Variants in NIN observed in about 807,000 individuals in gnomAD.
The protein encoded by NIN is ninein, also known as glycogen synthase kinase 3 beta-interacting protein.
NIN carries 137 observed loss-of-function variants against 257.6 expected under a neutral mutation model. The observed-to-expected ratio is 0.53, with a 90% confidence interval of 0.46 to 0.61. NIN has a LOEUF of 0.61. Among genes scored for constraint, NIN ranks in the 20% least tolerant of loss-of-function variants. The pLI is 0.00. For synonymous variants in NIN, 918 were observed against 919.8 expected, an observed-to-expected ratio of 1.00 and a Z score of 0.04; for missense variants, 2,439 against 2,501.2, an observed-to-expected ratio of 0.98 and a Z score of 0.53.
intron 3 of NIN, among the ~76,000 whole-genome samples, chr14:50,821,467 A>C (rs1158876726): frequency 6.6e-6 from 1 of 152,222 alleles, no homozygotes; most frequent in Admixed American, 6.5e-5. Flanking sequence ...GAAATAATCC[A>C]CACAAGAAAT....
chr14:50,768,198 A>G (rs1463860641), intron 12 of NIN, among the ~76,000 whole-genome samples: 1 of 152,084 alleles, frequency 6.6e-6, no homozygotes, highest in African/African-American at 2.4e-5. Flanking sequence ...GAGCCAGTAT[A>G]TTTTTAGTAT....
At position 50,772,438 on chromosome 14, in the gene NIN, T is replaced by C; in HGVS notation, c.844A>G (p.Thr282Ala). 1.2e-6 allele frequency: 2 copies of C among 1,614,132 alleles called. No homozygotes were observed. Among genetic ancestry groups the C allele is most frequent in the Non-Finnish European group, 1.7e-6 (2 of 1,180,014 alleles). ...SFDESGRRTTTSSAMTSTIGF... is the reference protein window; with the variant it reads ...SFDESGRRTTASSAMTSTIGF... Reference sequence around the variant, plus strand: ...ATGGTACTTGTCATTGCTGATGAGGTTGTGGTACGTCGTCCACTCTCATCG... The same window carrying C: ...ATGGTACTTGTCATTGCTGATGAGGCTGTGGTACGTCGTCCACTCTCATCG... The change falls in exon 9 of 31, where the codon ACC (threonine) becomes GCC (alanine). Residue 282 changes from threonine to alanine, a missense_variant. Thr to Ala is a moderately conservative substitution (Grantham distance 58). Around this residue, in one of 3 missense-constraint regions of NIN, gnomAD observed 387 missense variants for 427.3 expected, o/e 0.91. Coordinates refer to ENST00000530997, the MANE Select transcript of NIN (RefSeq NM_020921.4).
chr14:50,771,271 G>A (rs2042721494), intron 10 of NIN, 61 bp downstream of exon 10: 14 of 1,586,758 alleles, frequency 8.8e-6, no homozygotes, highest in Admixed American at 1.7e-5. Flanking sequence ...CAAGGCATCC[G>A]AATGACTTGC....
At chr14:50,752,819 C>A (rs1372221853) in intron 20 of NIN, 86 bp from the exon 21 acceptor site, 5 of 690,492 alleles carry the variant, frequency 7.2e-6, no homozygotes, top group Non-Finnish European at 1.2e-5. Context: ...ACATAATTGT[C>A]TTTTCCCTCT....
At chr14:50,775,776 G>A (rs2042897792) in intron 7 of NIN, among the ~76,000 whole-genome samples, 1 of 151,800 alleles carries the variant, frequency 6.6e-6, no homozygotes, top group Non-Finnish European at 1.5e-5. Flanking sequence ...ATATTTTTTG[G>A]CAAAAACAAC....
intron 17 of NIN, 79 bp from the exon 18 acceptor site, chr14:50,758,709 G>C (rs2042148168): frequency 7.4e-7 from 1 of 1,345,926 alleles, no homozygotes; most frequent in South Asian, 1.5e-5. Context: ...CCCATGCACT[G>C]AGAAAGCTGC....
chr14:50,821,744 T>C (rs1595945041), intron 3 of NIN, 130 bp downstream of exon 3: 3 of 732,426 alleles, frequency 4.1e-6, no homozygotes, highest in East Asian at 4.9e-5. Flanking sequence ...ACCCATTACA[T>C]TCTTCTTTTT....
Position 50,721,523 on chromosome 14 carries a change from T to C in NIN, c.*1940A>G, listed in dbSNP as rs2040270348. 4.6e-6 allele frequency: 1 copy of C among 218,048 alleles called. No individual in the cohort carries two copies. The highest frequency in any genetic ancestry group is 5.8e-5 in the Admixed American group (1 of 17,260). The allele number at this position is 218,048 out of a possible 1,614,324, so 13.5% of individuals were successfully genotyped here. A position where few individuals can be genotyped will look rare whatever the true frequency, so the allele number is the denominator to read the frequency against. On this transcript the variant is annotated 3_prime_UTR_variant, in exon 31 of 31. Coordinates refer to ENST00000530997, the MANE Select transcript of NIN (RefSeq NM_020921.4). ...ACACTACAGGTACTTAGTTTATTTT[T>C]GTCCTTAGCCTAGGCCAATCCACAG...
rs1167864898 is a variant in NIN at position 50,760,355 on chromosome 14, C to T, written c.1901G>A (p.Arg634His). Residue 634 changes from arginine to histidine, a missense_variant, in exon 17 of 31, where the codon CGC (arginine) becomes CAC (histidine). Physicochemically the swap from Arg to His is conservative, Grantham distance 29 (BLOSUM62 0). Around this residue, in one of 3 missense-constraint regions of NIN, gnomAD observed 2,043 missense variants for 2,050.2 expected, o/e 1.00. Transcript: ENST00000530997. ...TTCGTCCAGCTGCTTTTCATAATGG[C>T]GCACCTGAAGGCACAGAGTGACACC... is the stretch of plus-strand genomic sequence containing the variant. The part of the protein sequence containing the change: ...CLRLELEDKV[R>H]HYEKQLDETV... 8.1e-6 allele frequency: 13 copies of T among 1,596,542 alleles called. No individual in the cohort carries two copies. Among genetic ancestry groups the T allele is most frequent in the East Asian group, 2.2e-5 (1 of 44,574 alleles).
Position 50,729,712 on chromosome 14 carries a change from C to T in NIN, c.5889G>A (p.Leu1963=). 1.9e-6 allele frequency: 3 copies of T among 1,602,044 alleles called. No individual in the cohort carries two copies. Among genetic ancestry groups the T allele is most frequent in the Non-Finnish European group, 2.6e-6 (3 of 1,173,722 alleles). ...LDEQLMEMQH[L]RSTATPSPSP... ...ACGGGCTAGGCGTCGCAGTGGACCT[C>T]AGGTGCTGCATCTGAAGGACAAGGG... The change falls in exon 29 of 31, where the codon CTG becomes CTA. Residue 1963 remains leucine, a synonymous_variant. Coordinates refer to ENST00000530997, the MANE Select transcript of NIN (RefSeq NM_020921.4).
chr14:50,789,187 G>C lies in NIN; in HGVS notation c.435+3525C>G, dbSNP rs534048167. ...CTGGTAGCCCCGAGATTAAGTATGAGCCCAAGGAATAAATTCCCAACATCC... is the reference window on the plus strand; with the variant it reads ...CTGGTAGCCCCGAGATTAAGTATGACCCCAAGGAATAAATTCCCAACATCC... On this transcript the variant is annotated intron_variant, in intron 5 of 30. Coordinates refer to ENST00000530997, the MANE Select transcript of NIN (RefSeq NM_020921.4). 9.9e-5 allele frequency among the ~76,000 whole-genome samples: 15 copies of C among 152,260 alleles called. No homozygotes were observed. The South Asian group carries it at 3.1e-3, about 32-fold the overall frequency.
At chr14:50,753,870 T>C (rs75062810) in intron 20 of NIN, among the ~76,000 whole-genome samples, 8,570 of 152,202 alleles carry the variant, frequency 0.056, 278 homozygotes, top group African/African-American at 0.093. Context: ...AGGCTAACCA[T>C]CTTTTGTATT....
At chr14:50,766,223 T>G in intron 14 of NIN, 84 bp downstream of exon 14, 1 of 990,602 alleles carries the variant, frequency 1.0e-6, no homozygotes, top group Non-Finnish European at 1.6e-6. Flanking sequence ...GTGACTTGCT[T>G]AGGGTCACAG....
chr14:50,729,860 A>G, intron 28 of NIN, 137 bp from the exon 29 acceptor site: 1 of 602,266 alleles, frequency 1.7e-6, no homozygotes, highest in Non-Finnish European at 2.8e-6. Flanking sequence ...GAAACAGGAC[A>G]GCATATGGGC....
rs963699014 is a variant in NIN at position 50,810,091 on chromosome 14, C to T, written c.184-3273G>A. Among the ~76,000 whole-genome samples, 6 of 152,022 alleles carry T rather than the reference C, an allele frequency of 3.9e-5. No individual in the cohort carries two copies. In the East Asian group the frequency reaches 7.7e-4, roughly 20 times the overall value. On this transcript the variant is annotated intron_variant, in intron 3 of 30. Coordinates refer to ENST00000530997, the MANE Select transcript of NIN (RefSeq NM_020921.4). ...CTAAAAACACAAAAAATTAGCTGGG[C>T]GTGGTGGCGGGCGCCTGTAGTCCCA... is the stretch of plus-strand genomic sequence containing the variant.
intron 15 of NIN, among the ~76,000 whole-genome samples, chr14:50,762,360 C>G (rs902495846): frequency 6.6e-6 from 1 of 152,172 alleles, no homozygotes; most frequent in Non-Finnish European, 1.5e-5. Flanking sequence ...CTGCGATGCC[C>G]TGAGGAGTTA....
intron 12 of NIN, among the ~76,000 whole-genome samples, chr14:50,769,633 TG>T (rs2042644531): frequency 6.6e-6 from 1 of 152,148 alleles, no homozygotes; most frequent in African/African-American, 2.4e-5. Context: ...CCTGCGTAGC[TG>T]GGATTATAGG....
chr14:50,736,156 A>T (rs1192926255), intron 27 of NIN, among the ~76,000 whole-genome samples: 1 of 150,944 alleles, frequency 6.6e-6, no homozygotes, highest in African/African-American at 2.4e-5. Context: ...TTTTTGAGAC[A>T]GAGTCTCACT....
At chr14:50,810,024 G>A (rs948445309) in intron 3 of NIN, among the ~76,000 whole-genome samples, 1 of 152,112 alleles carries the variant, frequency 6.6e-6, no homozygotes, top group Non-Finnish European at 1.5e-5. Flanking sequence ...GAGGTCAGGA[G>A]ATCGAGACCA....
Sources: allele counts gnomAD v4.1 joint callset (sites outside exome capture counted in the v4.1 genomes callset), GRCh38; gene constraint gnomAD v4.1.1; regional missense constraint gnomAD v4.1.1; transcripts MANE v1.5; gene names NCBI Gene and HGNC (gene_info 2026-07-23, HGNC 2026-07-21).